DIS3L2: variants seen among roughly 807,000 people sequenced by gnomAD.
DIS3L2 encodes the protein DIS3 like 3'-5' exoribonuclease 2.
Under a neutral mutation model 97.5 loss-of-function variants are expected in DIS3L2, and 34 were observed. That is an observed-to-expected ratio of 0.35 (90% CI 0.27 to 0.46). The LOEUF (loss-of-function observed/expected upper bound fraction) is 0.46, where lower values mean the gene tolerates loss of function less well. Ranked by LOEUF, DIS3L2 falls within the 20% of genes least tolerant of loss-of-function variation. The pLI, the probability that DIS3L2 is intolerant of heterozygous loss-of-function variation, is 1.00. For missense variants in DIS3L2, 1,038 were observed against 1,146.0 expected (o/e 0.91, Z 1.36); for synonymous variants, 435 against 445.2 (o/e 0.98, Z 0.29).
intron 13 of DIS3L2, among the ~76,000 whole-genome samples, chr2:232,291,303 T>C (rs763200194): frequency 4.6e-5 from 7 of 152,238 alleles, no homozygotes; most frequent in Non-Finnish European, 7.3e-5. Flanking sequence ...CTCAAGATCA[T>C]CTCTGAAAAT....
chr2:232,005,450 CCTTT>C (rs1428424834), intron 1 of DIS3L2, among the ~76,000 whole-genome samples: 2 of 152,168 alleles, frequency 1.3e-5, no homozygotes, highest in Non-Finnish European at 2.9e-5. Flanking sequence ...CACCTGTGGT[CCTTT>C]CTTCTAGCCA....
intron 17 of DIS3L2, 57 bp from the exon 18 acceptor site, chr2:232,334,312 C>T: frequency 6.3e-7 from 1 of 1,583,268 alleles, no homozygotes; most frequent in Non-Finnish European, 8.6e-7. Flanking sequence ...ATCCCCCAGC[C>T]ATAGCTCTTC....
intron 13 of DIS3L2, among the ~76,000 whole-genome samples, chr2:232,296,564 C>T (rs1694730870): frequency 2.0e-5 from 3 of 152,214 alleles, no homozygotes; most frequent in African/African-American, 4.8e-5. Context: ...GTGCTGTTCT[C>T]GTGGTAGTGA....
chr2:232,315,544 GCT>G (rs1695248855), intron 14 of DIS3L2, among the ~76,000 whole-genome samples: 2 of 152,036 alleles, frequency 1.3e-5, no homozygotes, highest in African/African-American at 4.8e-5. Flanking sequence ...GCCACTCCCA[GCT>G]CTCTGAGGCT....
At chr2:232,088,849 A>G (rs945608826) in intron 6 of DIS3L2, among the ~76,000 whole-genome samples, 1 of 152,232 alleles carries the variant, frequency 6.6e-6, no homozygotes, top group African/African-American at 2.4e-5. Flanking sequence ...GAAATTCTAC[A>G]TAGAAGGAGT....
intron 1 of DIS3L2, among the ~76,000 whole-genome samples, chr2:231,989,089 C>T (rs923499687): frequency 6.6e-5 from 10 of 152,012 alleles, no homozygotes; most frequent in Non-Finnish European, 1.2e-4. Context: ...TGTGATGGCT[C>T]GGATTACCGT....
At chr2:232,301,592 A>C (rs1575004429) in intron 14 of DIS3L2, among the ~76,000 whole-genome samples, 1 of 152,148 alleles carries the variant, frequency 6.6e-6, no homozygotes, top group Admixed American at 6.5e-5. Flanking sequence ...TTTGTAATTT[A>C]TCTTTAGGAG....
At chr2:232,208,621 C>T (rs1692098310) in intron 9 of DIS3L2, among the ~76,000 whole-genome samples, 2 of 151,958 alleles carry the variant, frequency 1.3e-5, no homozygotes, top group African/African-American at 4.8e-5. Flanking sequence ...TAGTTCAATA[C>T]CTTTGAGATT....
rs561498668 is a variant in DIS3L2, at chr2:232,139,842, TA to T, written c.950+3126del. The stretch of plus-strand genomic sequence containing the variant: ...ACAGATGAGGTGGGAGAACCTGAAA[TA>T]AAGGGTTGCAATGGAGGAAACAAAA... On this transcript the variant is annotated intron_variant, in intron 8 of 20. Transcript: ENST00000325385. Among the ~76,000 whole-genome samples, 464 of 152,002 alleles carry T rather than the reference TA, an allele frequency of 3.1e-3. 3 individuals are homozygous for T. Among genetic ancestry groups the T allele is most frequent in the Admixed American group, 7.4e-3 (113 of 15,262 alleles).
chr2:232,052,718 G>C (rs543882335), intron 5 of DIS3L2, among the ~76,000 whole-genome samples: 1 of 152,162 alleles, frequency 6.6e-6, no homozygotes, highest in South Asian at 2.1e-4. Context: ...TTCTAGACTG[G>C]TTTCACAGGT....
At chr2:232,149,087 A>G (rs1690313885) in intron 8 of DIS3L2, among the ~76,000 whole-genome samples, 1 of 150,390 alleles carries the variant, frequency 6.6e-6, no homozygotes, top group Admixed American at 6.6e-5. Context: ...GTGTTTTCCA[A>G]GTCATCTCAG....
chr2:232,131,883 C>T (rs979554563), intron 7 of DIS3L2: 1 of 138,428 alleles, frequency 7.2e-6, no homozygotes, highest in African/African-American at 2.7e-5. Context: ...GGATCTGGCT[C>T]ACAGACCTAT....
chr2:232,322,269 G>A (rs1695458381), intron 14 of DIS3L2, among the ~76,000 whole-genome samples: 1 of 152,204 alleles, frequency 6.6e-6, no homozygotes, highest in African/African-American at 2.4e-5. Context: ...TGGGAGCTTG[G>A]GCAAGCCCTT....
At chr2:232,261,698 A>G (rs1277664150) in intron 12 of DIS3L2, among the ~76,000 whole-genome samples, 1 of 152,002 alleles carries the variant, frequency 6.6e-6, no homozygotes, top group African/African-American at 2.4e-5. Context: ...GCCTTCATAA[A>G]CACCACCAGC....
chr2:232,115,428 C>G (rs916048076), intron 6 of DIS3L2, among the ~76,000 whole-genome samples: 2 of 152,150 alleles, frequency 1.3e-5, no homozygotes, highest in Middle Eastern at 3.2e-3. Flanking sequence ...TTGGTATTTA[C>G]TGAATGAATG....
At chr2:232,329,785 T>TCCCGGGGGCCCCCCC in intron 14 of DIS3L2, 28 bp from the exon 15 acceptor site, 4 of 967,130 alleles carry the variant, frequency 4.1e-6, no homozygotes, top group Non-Finnish European at 4.4e-6. Context: ...ACCCCAGCGG[T>TCCCGGGGGCCCCCCC]CCCTCCCATC....
At chr2:232,059,142 A>G (rs944844763) in intron 5 of DIS3L2, among the ~76,000 whole-genome samples, 3 of 152,230 alleles carry the variant, frequency 2.0e-5, no homozygotes, top group Non-Finnish European at 2.9e-5. Context: ...TATTTTGTAT[A>G]CAAAAAGCTC....
intron 6 of DIS3L2, among the ~76,000 whole-genome samples, chr2:232,097,266 C>T (rs1011975155): frequency 6.6e-6 from 1 of 152,134 alleles, no homozygotes; most frequent in African/African-American, 2.4e-5. Flanking sequence ...CCTAAACAAA[C>T]CACATCTCTC....
In DIS3L2 at chr2:232,263,366, G is replaced by C. The variant is rs773893129; in HGVS notation, c.1585G>C (p.Val529Leu). 6.2e-7 allele frequency: 1 copy of C among 1,614,222 alleles called. No homozygotes were observed. The highest frequency in any genetic ancestry group is 8.5e-7 in the Non-Finnish European group (1 of 1,180,050). ...TAGCAGCGAGGAGGTACACCAGGCC[G>C]TCTTGAATCTCCACGGAATTGCCAA... ...EHSSEEVHQA[V>L]LNLHGIAKQL... Residue 529 changes from valine to leucine, a missense_variant, in exon 13 of 21, where the codon GTC (valine) becomes CTC (leucine). Coordinates refer to ENST00000325385, the MANE Select transcript of DIS3L2 (RefSeq NM_152383.5).
Sources: gnomAD v4.1 joint callset for allele counts (sites outside exome capture counted in the v4.1 genomes callset) on GRCh38, gnomAD v4.1.1 for gene constraint, MANE v1.5 for transcripts, NCBI Gene and HGNC (gene_info 2026-07-23, HGNC 2026-07-21) for gene names.